The following POLR2B variants were observed in gnomAD, a reference collection of about 807,000 sequenced individuals.
POLR2B encodes the protein RNA polymerase II subunit B, also known as DNA-directed RNA polymerase II subunit RPB2.
POLR2B carries 57 observed loss-of-function variants against 144.6 expected under a neutral mutation model. The observed-to-expected ratio is 0.39, with a 90% CI of 0.32 to 0.49. The LOEUF is 0.49. Ranked by LOEUF, POLR2B falls within the 20% of genes least tolerant of loss-of-function variation. POLR2B has a pLI of 0.83. For synonymous variants in POLR2B, 442 were observed against 469.8 expected (o/e 0.94, Z 0.77); for missense variants, 595 against 1,467.4 (o/e 0.41, Z 9.71).
intron 9 of POLR2B, among the ~76,000 whole-genome samples, chr4:57,006,535 C>T (rs1050858279): frequency 6.6e-6 from 1 of 152,156 alleles, no homozygotes; most frequent in Non-Finnish European, 1.5e-5. Flanking sequence ...AAACTCCTGA[C>T]CTCAGGTGAT....
intron 23 of POLR2B, among the ~76,000 whole-genome samples, chr4:57,027,954 C>T (rs1723778225): frequency 6.6e-6 from 1 of 152,194 alleles, no homozygotes; most frequent in African/African-American, 2.4e-5. Flanking sequence ...ATAGAAGTTT[C>T]CTAAAATTCT....
chr4:57,011,424 A>T (rs1723185064), intron 13 of POLR2B, among the ~76,000 whole-genome samples: 1 of 152,216 alleles, frequency 6.6e-6, no homozygotes, highest in Non-Finnish European at 1.5e-5. Context: ...GCTACTCGGG[A>T]GGCTGAGACA....
chr4:57,000,076 G>A (rs1019198542), intron 7 of POLR2B, among the ~76,000 whole-genome samples: 7 of 152,220 alleles, frequency 4.6e-5, no homozygotes, highest in Admixed American at 4.6e-4. Flanking sequence ...TTAGTAAAAA[G>A]GGAAAATGAG....
intron 6 of POLR2B, among the ~76,000 whole-genome samples, chr4:56,997,322 G>A (rs912216876): frequency 6.6e-6 from 1 of 150,812 alleles, no homozygotes; most frequent in Non-Finnish European, 1.5e-5. Context: ...GTAGTGGCGC[G>A]ATCTGGGCTC....
Position 56,994,674 on chromosome 4 carries a change from A to G in POLR2B, c.384A>G (p.Ile128Met). The part of the protein sequence containing the change: ...LTYSAPLYVD[I>M]TKTVIKEGEE... ...ATTCTGCTCCGCTTTATGTTGATAT[A>G]ACAAAAACAGTCATTAAAGAAGGTG... Residue 128 changes from isoleucine to methionine, a missense_variant, in exon 5 of 25, where the codon ATA (isoleucine) becomes ATG (methionine). Transcript: ENST00000314595. 1 of 1,612,630 alleles carries G rather than the reference A, an allele frequency of 6.2e-7. No homozygotes were observed. Among genetic ancestry groups the G allele is most frequent in the Non-Finnish European group, 8.5e-7 (1 of 1,178,678 alleles).
chr4:56,986,727 G>T, intron 2 of POLR2B: 1 of 200,284 alleles, frequency 5.0e-6, no homozygotes, highest in Non-Finnish European at 9.9e-6. Context: ...CTGGGAGGTT[G>T]AGGTTACAGT....
At chr4:56,983,438 T>C (rs1320680063) in intron 1 of POLR2B, among the ~76,000 whole-genome samples, 1 of 148,132 alleles carries the variant, frequency 6.8e-6, no homozygotes, top group East Asian at 2.0e-4. Context: ...AGTGGTGTGA[T>C]ATCGGCTCAC....
intron 9 of POLR2B, 151 bp from the exon 10 acceptor site, chr4:57,006,665 C>G (rs966275652): frequency 7.5e-5 from 46 of 609,892 alleles, no homozygotes; most frequent in Non-Finnish European, 4.4e-5. Flanking sequence ...ATACATATAT[C>G]TGTGCTTTAG....
At chr4:57,027,094 C>T (rs1430736946) in intron 23 of POLR2B, among the ~76,000 whole-genome samples, 5 of 151,958 alleles carry the variant, frequency 3.3e-5, no homozygotes, top group African/African-American at 9.7e-5. Context: ...CGGCAACCTC[C>T]GCCTCCCGGA....
chr4:56,989,324 A>G (rs1722437115), intron 2 of POLR2B, among the ~76,000 whole-genome samples: 1 of 152,248 alleles, frequency 6.6e-6, no homozygotes, highest in African/African-American at 2.4e-5. Context: ...TTCTTACAAT[A>G]TCAATGGCTA....
chr4:57,005,352 T>A lies in POLR2B; in HGVS notation c.1007T>A (p.Ile336Asn). The A allele has an allele frequency of 6.2e-7, 1 of 1,610,404 alleles. No homozygotes were observed. The highest frequency in any genetic ancestry group is 8.5e-7 in the Non-Finnish European group (1 of 1,178,558). The change falls in exon 8 of 25, where the codon ATT (isoleucine) becomes AAT (asparagine). Residue 336 changes from isoleucine to asparagine, a missense_variant. Transcript: ENST00000314595. Reference sequence around the variant, plus strand: ...CCTGGTGTTACTAAAGAGAAAAGAATTAAATATGCAAAGGAAGTTTTACAA... The same window carrying A: ...CCTGGTGTTACTAAAGAGAAAAGAAATAAATATGCAAAGGAAGTTTTACAA... ...AKPGVTKEKR[I>N]KYAKEVLQKE... is the part of the protein sequence containing the mutation.
At chr4:56,994,930 G>GAAAAAAAA (rs41560115) in intron 5 of POLR2B, 64 bp downstream of exon 5, 6 of 729,200 alleles carry the variant, frequency 8.2e-6, no homozygotes, top group Admixed American at 6.2e-5. Context: ...AAGTTGAAAT[G>GAAAAAAAA]AAAAAAAAAA....
intron 1 of POLR2B, 78 bp downstream of exon 1, chr4:56,979,082 T>C (rs1217821555): frequency 6.8e-7 from 1 of 1,460,294 alleles, no homozygotes; most frequent in African/African-American, 1.4e-5. Context: ...GATTGAGGAT[T>C]TGGGGCCTTC....
At chr4:56,993,455 C>T (rs190211417) in intron 3 of POLR2B, among the ~76,000 whole-genome samples, 379 of 152,236 alleles carry the variant, frequency 2.5e-3, no homozygotes, top group South Asian at 8.7e-3. Flanking sequence ...TTATCACCAC[C>T]GTTCTCTTTG....
At chr4:56,984,419 C>A (rs1722256082) in intron 1 of POLR2B, among the ~76,000 whole-genome samples, 1 of 151,510 alleles carries the variant, frequency 6.6e-6, no homozygotes, top group Non-Finnish European at 1.5e-5. Flanking sequence ...TATTATGTGT[C>A]ACATGTTCTT....
intron 13 of POLR2B, among the ~76,000 whole-genome samples, chr4:57,013,775 A>G (rs552838667): frequency 1.3e-5 from 2 of 152,224 alleles, no homozygotes; most frequent in South Asian, 2.1e-4. Flanking sequence ...TAGATAATAC[A>G]TAAACTGATA....
At chr4:57,001,682 T>G (rs1722859179) in intron 7 of POLR2B, among the ~76,000 whole-genome samples, 1 of 152,190 alleles carries the variant, frequency 6.6e-6, no homozygotes, top group Non-Finnish European at 1.5e-5. Flanking sequence ...TACTGTTAAC[T>G]TTGATCGCTT....
intron 6 of POLR2B, among the ~76,000 whole-genome samples, chr4:56,998,689 G>C (rs1011866535): frequency 1.3e-5 from 2 of 152,184 alleles, no homozygotes; most frequent in African/African-American, 4.8e-5. Context: ...CTTGTTCTGG[G>C]ATAAGATCCA....
intron 7 of POLR2B, among the ~76,000 whole-genome samples, chr4:57,004,256 G>A (rs146277686): frequency 0.011 from 1,710 of 151,440 alleles, 38 homozygotes; most frequent in African/African-American, 0.04. Flanking sequence ...TCACTACGTT[G>A]GCCAGGCTGG....
Sources: gnomAD v4.1 joint callset for allele counts (sites outside exome capture counted in the v4.1 genomes callset) on GRCh38, gnomAD v4.1.1 for gene constraint, MANE v1.5 for transcripts, NCBI Gene and HGNC (gene_info 2026-07-23, HGNC 2026-07-21) for gene names.